EBAG9: variants seen among roughly 807,000 people sequenced by gnomAD.
The protein encoded by EBAG9 is estrogen receptor binding site associated antigen 9, also known as receptor-binding cancer antigen expressed on SiSo cells.
Under a neutral mutation model 30.9 loss-of-function variants are expected in EBAG9, and 16 were observed. The observed-to-expected ratio is 0.52, with a 90% confidence interval of 0.35 to 0.79. EBAG9 has a LOEUF of 0.79. Ranked by LOEUF, EBAG9 falls within the 30% of genes least tolerant of loss-of-function variation. The pLI, the probability that EBAG9 is intolerant of heterozygous loss-of-function variation, is 0.01. For synonymous variants in EBAG9, 93 were observed against 82.8 expected (o/e 1.12, Z -0.67); for missense variants, 197 against 242.1 (o/e 0.81, Z 1.24).
At chr8:109,543,629 A>T (rs1821324060) in intron 1 of EBAG9, among the ~76,000 whole-genome samples, 1 of 151,162 alleles carries the variant, frequency 6.6e-6, no homozygotes, top group Admixed American at 6.6e-5. Flanking sequence ...AGAGATGACC[A>T]TTTTTTTTTA....
chr8:109,543,665 G>A (rs1026993668), intron 1 of EBAG9, among the ~76,000 whole-genome samples: 3 of 151,926 alleles, frequency 2.0e-5, no homozygotes, highest in Admixed American at 6.6e-5. Context: ...CCTATTCAAT[G>A]TAATATTTTA....
At chr8:109,548,512 G>A (rs912169250) in intron 1 of EBAG9, among the ~76,000 whole-genome samples, 12 of 152,016 alleles carry the variant, frequency 7.9e-5, no homozygotes, top group Admixed American at 7.2e-4. Context: ...AGCTTGTCAA[G>A]TTTTAAAGAA....
Position 109,564,657 on chromosome 8 carries a change from G to A in EBAG9, c.*98G>A. 6.6e-7 allele frequency: 1 copy of A among 1,514,512 alleles called. No homozygotes were observed. Among genetic ancestry groups the A allele is most frequent in the Non-Finnish European group, 8.9e-7 (1 of 1,118,684 alleles). The allele number at this position is 1,514,512 out of a possible 1,614,324, so 93.8% of individuals were successfully genotyped here. On this transcript the variant is annotated 3_prime_UTR_variant, in exon 7 of 7. Transcript: ENST00000337573. ...TAAGAGTATTTTAAGAAGACATACT[G>A]CTTGATTTTAATACATTGATCAGGC...
chr8:109,544,619 G>A (rs1026507225), intron 1 of EBAG9, among the ~76,000 whole-genome samples: 4 of 152,150 alleles, frequency 2.6e-5, no homozygotes, highest in Admixed American at 2.0e-4. Flanking sequence ...CAAAGAGAAG[G>A]CAAGGAAAAG....
chr8:109,559,060 T>C (rs1216769277), intron 5 of EBAG9, among the ~76,000 whole-genome samples: 1 of 152,172 alleles, frequency 6.6e-6, no homozygotes, highest in Non-Finnish European at 1.5e-5. Context: ...TTTTATGTAC[T>C]CTAACAGTCA....
chr8:109,540,508 T>G (rs554087495), intron 1 of EBAG9, 47 bp downstream of exon 1: 9 of 152,268 alleles, frequency 5.9e-5, no homozygotes, highest in African/African-American at 2.2e-4. Flanking sequence ...TAATCTGAAA[T>G]GAAACCACTT....
chr8:109,562,862 A>G (rs1297094117), intron 6 of EBAG9, among the ~76,000 whole-genome samples: 9 of 152,026 alleles, frequency 5.9e-5, no homozygotes, highest in Admixed American at 5.9e-4. Flanking sequence ...AGCATCAGGT[A>G]GGCCCTCAGA....
In EBAG9 at chr8:109,550,809, G is replaced by C. The variant is rs1821478046; in HGVS notation, c.-15-1G>C. The C allele has an allele frequency of 6.3e-7, 1 of 1,580,738 alleles. No homozygotes were observed. The highest frequency in any genetic ancestry group is 1.4e-5 in the African/African-American group (1 of 73,962). ...TTTTTTGTTTTGTGCCTCTTCCACA[G>C]GTTTTGATTCCCACCATGGCCATCA... On this transcript the variant is annotated splice_acceptor_variant, in intron 1 of 6. Transcript: ENST00000337573. LOFTEE classifies it low-confidence loss of function (5UTR_SPLICE).
At chr8:109,555,876 C>T (rs1821588282) in intron 4 of EBAG9, among the ~76,000 whole-genome samples, 2 of 152,078 alleles carry the variant, frequency 1.3e-5, no homozygotes, top group Non-Finnish European at 2.9e-5. Context: ...AAAAGTGAGA[C>T]TTCTGACCCA....
intron 6 of EBAG9, among the ~76,000 whole-genome samples, chr8:109,561,164 G>A (rs932596441): frequency 6.6e-6 from 1 of 150,886 alleles, no homozygotes; most frequent in Non-Finnish European, 1.5e-5. Context: ...TTTATTAATG[G>A]CAAATGGAGT....
chr8:109,559,400 G>A (rs1039954279), intron 5 of EBAG9, among the ~76,000 whole-genome samples: 5 of 152,298 alleles, frequency 3.3e-5, no homozygotes, highest in South Asian at 2.1e-4. Context: ...CGAGGCTGCC[G>A]TGAGCTGTGA....
intron 4 of EBAG9, among the ~76,000 whole-genome samples, chr8:109,556,532 T>C (rs1821600984): frequency 6.6e-6 from 1 of 152,098 alleles, no homozygotes; most frequent in African/African-American, 2.4e-5. Flanking sequence ...ACATATCATA[T>C]AAGTGTATTT....
intron 1 of EBAG9, among the ~76,000 whole-genome samples, chr8:109,543,135 C>CTTTTTTTTTTTTTTTTTTTT (rs557388998): frequency 1.9e-5 from 1 of 52,860 alleles, no homozygotes; most frequent in Non-Finnish European, 5.1e-5. Context: ...TATTCTGGTT[C>CTTTTTTTTTTTTTTTTTTTT]TTTTTTTTTT....
intron 1 of EBAG9, among the ~76,000 whole-genome samples, chr8:109,545,369 C>CTT (rs765622817): frequency 1.4e-5 from 2 of 140,554 alleles, no homozygotes; most frequent in African/African-American, 2.6e-5. Context: ...CCAGTTTTAC[C>CTT]TTTTTTTTTT....
At chr8:109,556,675 G>A (rs1361275242) in intron 4 of EBAG9, among the ~76,000 whole-genome samples, 1 of 152,028 alleles carries the variant, frequency 6.6e-6, no homozygotes, top group African/African-American at 2.4e-5. Context: ...ATTATATTTT[G>A]AGGTCTGGGG....
At chr8:109,549,473 A>G (rs1821451068) in intron 1 of EBAG9, among the ~76,000 whole-genome samples, 1 of 151,896 alleles carries the variant, frequency 6.6e-6, no homozygotes, top group Admixed American at 6.6e-5. Flanking sequence ...ATTCCTTCCT[A>G]AGTGTTTTGT....
intron 3 of EBAG9, 148 bp from the exon 4 acceptor site, chr8:109,554,581 G>C: frequency 1.6e-6 from 1 of 642,694 alleles, no homozygotes; most frequent in Non-Finnish European, 2.6e-6. Flanking sequence ...ATCAAGTTTT[G>C]ATCTGTGATA....
intron 4 of EBAG9, among the ~76,000 whole-genome samples, chr8:109,555,163 A>G (rs375413201): frequency 2.0e-5 from 3 of 150,430 alleles, no homozygotes; most frequent in South Asian, 4.2e-4. Flanking sequence ...GCCCCAGTGT[A>G]TGATGTTCCC....
intron 2 of EBAG9, 77 bp from the exon 3 acceptor site, chr8:109,553,788 A>G: frequency 9.2e-7 from 1 of 1,086,022 alleles, no homozygotes; most frequent in Non-Finnish European, 1.3e-6. Context: ...ATAAGCCTTC[A>G]ATTACCATAC....
Sources: gnomAD v4.1 joint callset for allele counts (sites outside exome capture counted in the v4.1 genomes callset) on GRCh38, gnomAD v4.1.1 for gene constraint, MANE v1.5 for transcripts, NCBI Gene and HGNC (gene_info 2026-07-23, HGNC 2026-07-21) for gene names.